Variants in CALD1 observed in about 807,000 individuals in gnomAD.
CALD1 encodes caldesmon.
CALD1 carries 33 observed loss-of-function variants against 99.9 expected under a neutral mutation model. The observed-to-expected ratio is 0.33, with a 90% confidence interval of 0.25 to 0.44. The LOEUF (loss-of-function observed/expected upper bound fraction) is 0.44, where lower values mean the gene tolerates loss of function less well. Among genes scored for constraint, CALD1 ranks in the 20% least tolerant of loss-of-function variants. CALD1 has a pLI of 1.00. For synonymous variants in CALD1, 310 were observed against 325.0 expected (o/e 0.95, Z 0.50); for missense variants, 861 against 962.1 (o/e 0.89, Z 1.39).
the CALD1 span, among the ~76,000 whole-genome samples, chr7:134,728,853 T>C: frequency 0.017 from 2,533 of 144,804 alleles, 22 homozygotes; most frequent in African/African-American, 0.024. Context: ...TTCTTTTTTT[T>C]TTTTTTTTTT....
chr7:134,761,864 T>C (rs1219815218), intron 1 of CALD1, among the ~76,000 whole-genome samples: 1 of 152,186 alleles, frequency 6.6e-6, no homozygotes, highest in African/African-American at 2.4e-5. Context: ...TGTATTATTA[T>C]TATTATTTTT....
At chr7:134,867,903 C>A (rs75460376) in intron 3 of CALD1, 99 bp downstream of exon 3, 1 of 593,260 alleles carries the variant, frequency 1.7e-6, no homozygotes, top group Non-Finnish European at 2.9e-6. Context: ...GTGGTCATAT[C>A]GCACACCAAA....
rs1805441405 is a variant in CALD1 at position 134,930,469 on chromosome 7, GAA to G, written c.218+1572_218+1573del. On this transcript the variant is annotated intron_variant, in intron 4 of 14. Coordinates refer to ENST00000361675, the MANE Select transcript of CALD1 (RefSeq NM_033138.4). The stretch of plus-strand genomic sequence containing the variant: ...TGTTTTGTTTAATTCAGTCTATTTA[GAA>G]AATTCTAAAGGGAATGGGTCCTGGC... Among the ~76,000 whole-genome samples, 3 of 152,142 alleles carry G rather than the reference GAA, an allele frequency of 2.0e-5. No homozygotes were observed. In the South Asian group the frequency reaches 6.2e-4, roughly 31 times the overall value.
At chr7:134,794,243 G>A (rs1240448296) in intron 1 of CALD1, among the ~76,000 whole-genome samples, 1 of 152,206 alleles carries the variant, frequency 6.6e-6, no homozygotes, top group Admixed American at 6.5e-5. Context: ...AAGCAGCCAT[G>A]CCTGTTACTG....
chr7:134,836,093 T>C (rs1799424306), intron 1 of CALD1, among the ~76,000 whole-genome samples: 2 of 143,960 alleles, frequency 1.4e-5, no homozygotes, highest in Admixed American at 7.5e-5. Flanking sequence ...TGCAGTGAGC[T>C]GAGATCGCGT....
chr7:134,937,399 T>A (rs1333822372), intron 6 of CALD1, among the ~76,000 whole-genome samples: 1 of 152,198 alleles, frequency 6.6e-6, no homozygotes, highest in Non-Finnish European at 1.5e-5. Flanking sequence ...TCCAAAACTT[T>A]TGGCTTGTTT....
chr7:134,837,627 G>A (rs766950825), intron 1 of CALD1, among the ~76,000 whole-genome samples: 8 of 152,262 alleles, frequency 5.3e-5, no homozygotes, highest in Non-Finnish European at 8.8e-5. Flanking sequence ...GATTACAGGC[G>A]TGAGCCAATG....
chr7:134,913,011 T>C (rs888913482), intron 3 of CALD1, among the ~76,000 whole-genome samples: 1 of 152,176 alleles, frequency 6.6e-6, no homozygotes, highest in Non-Finnish European at 1.5e-5. Flanking sequence ...ACATCTGTAA[T>C]CCCAGCACTT....
upstream of CALD1, among the ~76,000 whole-genome samples, chr7:134,776,155 A>G (rs1796917345): frequency 6.6e-6 from 1 of 152,118 alleles, no homozygotes; most frequent in South Asian, 2.1e-4. Flanking sequence ...TTAGGTATCT[A>G]GCACATTTTT....
chr7:134,767,026 T>C (rs1390407421), intron 1 of CALD1, among the ~76,000 whole-genome samples: 1 of 152,086 alleles, frequency 6.6e-6, no homozygotes, highest in Non-Finnish European at 1.5e-5. Context: ...CCCTTGGACA[T>C]GTTTACAGAC....
rs541014288 is a variant in CALD1, at chr7:134,867,920, G to A, written c.71+116G>A. ...GGTCATATCGCACACCAAACTGTTC[G>A]CAAAAGTAGTTATGGAAAATTTTTC... On this transcript the variant is annotated intron_variant, in intron 3 of 14. Coordinates refer to ENST00000361675, the MANE Select transcript of CALD1 (RefSeq NM_033138.4). 1,048 of 478,414 alleles carry A rather than the reference G, an allele frequency of 2.2e-3. 4 individuals carry two copies. Among genetic ancestry groups the A allele is most frequent in the South Asian group, 3.6e-3 (70 of 19,320 alleles). The allele number at this position is 478,414 out of a possible 1,614,324, so 29.6% of individuals were successfully genotyped here. A position where few individuals can be genotyped will look rare whatever the true frequency, so the allele number is the denominator to read the frequency against.
At chr7:134,767,676 G>A (rs551569386) in intron 1 of CALD1, among the ~76,000 whole-genome samples, 4 of 152,354 alleles carry the variant, frequency 2.6e-5, no homozygotes, top group Middle Eastern at 3.4e-3. Flanking sequence ...GAGGAAACGT[G>A]CATGGCTGGG....
intron 1 of CALD1, among the ~76,000 whole-genome samples, chr7:134,773,935 C>T (rs369889597): frequency 2.0e-5 from 3 of 151,914 alleles, no homozygotes; most frequent in Non-Finnish European, 4.4e-5. Flanking sequence ...CTTTGGGATA[C>T]CGAGGCAGGC....
At chr7:134,715,507 C>G in the CALD1 span, among the ~76,000 whole-genome samples, 1 of 152,150 alleles carries the variant, frequency 6.6e-6, no homozygotes, top group Non-Finnish European at 1.5e-5. Context: ...GCATTGTGCT[C>G]TCTTCTGGGG....
chr7:134,782,622 A>G (rs1562998111), intron 1 of CALD1, among the ~76,000 whole-genome samples: 1 of 152,228 alleles, frequency 6.6e-6, no homozygotes, highest in Non-Finnish European at 1.5e-5. Context: ...TTGAGTGAAG[A>G]ACGGACATTG....
intron 9 of CALD1, among the ~76,000 whole-genome samples, chr7:134,954,581 TA>T (rs1442584161): frequency 9.2e-5 from 14 of 152,132 alleles, no homozygotes; most frequent in African/African-American, 3.1e-4. Context: ...CAGGCTATGT[TA>T]GCTATGATAG....
intron 7 of CALD1, among the ~76,000 whole-genome samples, chr7:134,945,915 G>A (rs746197750): frequency 6.6e-5 from 10 of 152,204 alleles, no homozygotes; most frequent in Non-Finnish European, 1.3e-4. Context: ...AGCTGCTAGA[G>A]TCAAGCTCAA....
intron 3 of CALD1, among the ~76,000 whole-genome samples, chr7:134,878,135 A>C (rs368713179): frequency 1.6e-4 from 24 of 152,302 alleles, no homozygotes; most frequent in East Asian, 1.5e-3. Context: ...ATAAAATTTG[A>C]AATGAGATCA....
At chr7:134,960,221 A>G in intron 12 of CALD1, 110 bp downstream of exon 12, 1 of 1,291,570 alleles carries the variant, frequency 7.7e-7, no homozygotes. Flanking sequence ...AGAAGGTGCA[A>G]TTTGTACTTT....
Sources: gnomAD v4.1 joint callset for allele counts (sites outside exome capture counted in the v4.1 genomes callset) on GRCh38, gnomAD v4.1.1 for gene constraint, MANE v1.5 for transcripts, NCBI Gene and HGNC (gene_info 2026-07-23, HGNC 2026-07-21) for gene names.